The following G6PC2 variants were observed in gnomAD, a reference collection of about 807,000 sequenced individuals.
The protein encoded by G6PC2 is glucose-6-phosphatase catalytic subunit 2.
Under a neutral mutation model 35.4 loss-of-function variants are expected in G6PC2, and 41 were observed. That is an observed-to-expected ratio of 1.16 (90% CI 0.90 to 1.50). The LOEUF (loss-of-function observed/expected upper bound fraction) is 1.50. Among genes scored for constraint, G6PC2 ranks in the 40% most tolerant of loss-of-function variants. The pLI is 0.00. For synonymous variants in G6PC2, 165 were observed against 153.2 expected, an observed-to-expected ratio of 1.08 and a Z score of -0.57; for missense variants, 441 against 426.5, an observed-to-expected ratio of 1.03 and a Z score of -0.30.
Position 168,907,713 on chromosome 2 carries a change from G to A in G6PC2, c.702G>A (p.Trp234Ter), listed in dbSNP as rs780384187. 2 of 1,613,976 alleles carry A rather than the reference G, an allele frequency of 1.2e-6. No homozygotes were observed. The highest frequency in any genetic ancestry group is 8.5e-7 in the Non-Finnish European group (1 of 1,180,032). Reference sequence around the variant, plus strand: ...GGGTGCTCAACATTGACCTGCTGTGGTCCGTGCCCATAGCCAAAAAGTGGT... The same window carrying A: ...GGGTGCTCAACATTGACCTGCTGTGATCCGTGCCCATAGCCAAAAAGTGGT... ...LLRVLNIDLL[W>*]SVPIAKKWCA... Residue 234 changes from tryptophan to a stop codon, truncating the protein, a stop_gained, in exon 5 of 5, where the codon TGG becomes TGA. Coordinates refer to ENST00000375363, the MANE Select transcript of G6PC2 (RefSeq NM_021176.3). LOFTEE classifies it high-confidence loss of function.
Position 168,907,878 on chromosome 2 carries a change from A to G in G6PC2, c.867A>G (p.Thr289=). Residue 289 remains threonine (T), a synonymous_variant, in exon 5 of 5, where the codon ACA becomes ACG. Transcript: ENST00000375363. ...GCTGCCGAGGGGGAAATAACTACAC[A>G]CTGAGCTTCCGGTTGCTCTGTGCCT... ...LLSCRGGNNY[T]LSFRLLCALT... The G allele has an allele frequency of 1.9e-6, 3 of 1,613,926 alleles. No homozygotes were observed. The highest frequency in any genetic ancestry group is 1.1e-5 in the South Asian group (1 of 91,074).
chr2:168,904,460 G>T, intron 2 of G6PC2, 45 bp from the exon 3 acceptor site: 1 of 954,520 alleles, frequency 1.0e-6, no homozygotes, highest in South Asian at 1.3e-5. Context: ...TTCTGATCTT[G>T]ATAGTTAACC....
chr2:168,908,189 G>C lies in G6PC2; in HGVS notation c.*110G>C. On this transcript the variant is annotated 3_prime_UTR_variant, in exon 5 of 5. Transcript: ENST00000375363. ...GCTTCTAATCCGACTTCACAGAATA[G>C]CGGCACAGGCCCCATTCCCCATAGA... The C allele has an allele frequency of 1.1e-6, 1 of 904,638 alleles. No individual in the cohort carries two copies. Among genetic ancestry groups the C allele is most frequent in the Non-Finnish European group, 1.8e-6 (1 of 546,796 alleles). 56.0% of individuals were successfully genotyped at this position (904,638 alleles called of 1,614,324 possible). A position where few individuals can be genotyped will look rare whatever the true frequency, so the allele number is the denominator to read the frequency against.
At chr2:168,905,988 T>A in intron 3 of G6PC2, among the ~76,000 whole-genome samples, 1 of 151,554 alleles carries the variant, frequency 6.6e-6, no homozygotes, top group African/African-American at 2.4e-5. Flanking sequence ...GATTTTAATA[T>A]TTTTTTATGT....
chr2:168,909,579 T>A lies in G6PC2; in HGVS notation c.*1500T>A, dbSNP rs911784307. The A allele has an allele frequency of 6.6e-6, 1 of 152,136 alleles. No homozygotes were observed. Among genetic ancestry groups the A allele is most frequent in the African/African-American group, 2.4e-5 (1 of 41,390 alleles). The allele number at this position is 152,136 out of a possible 1,614,324, so 9.4% of individuals were successfully genotyped here. A position where few individuals can be genotyped will look rare whatever the true frequency, so the allele number is the denominator to read the frequency against. ...ATTATTGTTGATGGACTATTAATAT[T>A]ATATTAACAATTTCTCAGTAAGTGT... On this transcript the variant is annotated 3_prime_UTR_variant, in exon 5 of 5. Transcript: ENST00000375363.
In G6PC2 at chr2:168,907,876, A is replaced by G; in HGVS notation, c.865A>G (p.Thr289Ala). 6.2e-7 allele frequency: 1 copy of G among 1,613,810 alleles called. No individual in the cohort carries two copies. The highest frequency in any genetic ancestry group is 1.1e-5 in the South Asian group (1 of 91,062). Residue 289 changes from threonine (T) to alanine (A), a missense_variant, in exon 5 of 5, where the codon ACA (threonine) becomes GCA (alanine). Physicochemically the swap from Thr to Ala is moderately conservative, Grantham distance 58. Transcript: ENST00000375363. Reference protein sequence around the residue: ...LLSCRGGNNYTLSFRLLCALT... With the variant: ...LLSCRGGNNYALSFRLLCALT... ...GAGCTGCCGAGGGGGAAATAACTAC[A>G]CACTGAGCTTCCGGTTGCTCTGTGC...
At chr2:168,905,858 CTG>C (rs1218109632) in intron 3 of G6PC2, among the ~76,000 whole-genome samples, 1 of 152,062 alleles carries the variant, frequency 6.6e-6, no homozygotes, top group Non-Finnish European at 1.5e-5. Context: ...CCTCATTTCT[CTG>C]TGTTCCTTAG....
rs890425621 is a variant in G6PC2 at position 168,909,451 on chromosome 2, C to T, written c.*1372C>T. 1 of 152,250 alleles carries T rather than the reference C, an allele frequency of 6.6e-6. No individual in the cohort carries two copies. The highest frequency in any genetic ancestry group is 2.4e-5 in the African/African-American group (1 of 41,474). The allele number at this position is 152,250 out of a possible 1,614,324, so 9.4% of individuals were successfully genotyped here. Reference sequence around the variant, plus strand: ...AGAAATCAGGTGCCTTCCTCAAGGTCATGCTCCAACCCAGGCCAACTATTA... The same window carrying T: ...AGAAATCAGGTGCCTTCCTCAAGGTTATGCTCCAACCCAGGCCAACTATTA... On this transcript the variant is annotated 3_prime_UTR_variant, in exon 5 of 5. Coordinates refer to ENST00000375363, the MANE Select transcript of G6PC2 (RefSeq NM_021176.3).
At chr2:168,901,658 C>A in intron 1 of G6PC2, 109 bp downstream of exon 1, 1 of 685,526 alleles carries the variant, frequency 1.5e-6, no homozygotes, top group African/African-American at 1.8e-5. Flanking sequence ...GAAAATCTTT[C>A]AAAAATACCA....
At chr2:168,903,693 T>A (rs1690650279) in intron 2 of G6PC2, among the ~76,000 whole-genome samples, 1 of 152,180 alleles carries the variant, frequency 6.6e-6, no homozygotes, top group African/African-American at 2.4e-5. Flanking sequence ...TTTAAAAGGC[T>A]CTGAAAATTC....
At chr2:168,903,592 ACC>A (rs1690648091) in intron 2 of G6PC2, among the ~76,000 whole-genome samples, 1 of 151,948 alleles carries the variant, frequency 6.6e-6, no homozygotes, top group African/African-American at 2.4e-5. Context: ...CATGTGTTCC[ACC>A]TTATAAGACA....
rs1246694715 is a variant in G6PC2, at chr2:168,909,633, T to C, written c.*1554T>C. 1 of 152,238 alleles carries C rather than the reference T, an allele frequency of 6.6e-6. No individual in the cohort carries two copies. The highest frequency in any genetic ancestry group is 1.5e-5 in the Non-Finnish European group (1 of 68,040). 9.4% of individuals were successfully genotyped at this position (152,238 alleles called of 1,614,324 possible). ...TTTTCCTCATTGAATCTAGGAATGC[T>C]GGGCTTTAAGTTGATAACTGTGTCA... On this transcript the variant is annotated 3_prime_UTR_variant, in exon 5 of 5. Coordinates refer to ENST00000375363, the MANE Select transcript of G6PC2 (RefSeq NM_021176.3).
chr2:168,901,608 G>A (rs540732196), intron 1 of G6PC2, 59 bp downstream of exon 1: 195 of 885,380 alleles, frequency 2.2e-4, no homozygotes, highest in African/African-American at 7.1e-4. Flanking sequence ...TTGTGACTTC[G>A]GCATAATGAT....
In G6PC2 at chr2:168,908,229, C is replaced by T. The variant is rs878878851; in HGVS notation, c.*150C>T. The T allele has an allele frequency of 1.3e-5, 9 of 676,570 alleles. No homozygotes were observed. Among genetic ancestry groups the T allele is most frequent in the Non-Finnish European group, 2.3e-5 (9 of 384,598 alleles). 41.9% of individuals were successfully genotyped at this position (676,570 alleles called of 1,614,324 possible). On this transcript the variant is annotated 3_prime_UTR_variant, in exon 5 of 5. Transcript: ENST00000375363. Reference sequence around the variant, plus strand: ...TTCCCCATAGAGATGTTTAGTTTGGCCTTCGCACTGGTCTTTTTTTTTAAT... The same window carrying T: ...TTCCCCATAGAGATGTTTAGTTTGGTCTTCGCACTGGTCTTTTTTTTTAAT...
At position 168,907,747 on chromosome 2, in the gene G6PC2, C is replaced by T. The variant is rs748466993; in HGVS notation, c.736C>T (p.Pro246Ser). 3 of 1,614,068 alleles carry T rather than the reference C, an allele frequency of 1.9e-6. No homozygotes were observed. Among genetic ancestry groups the T allele is most frequent in the Non-Finnish European group, 1.7e-6 (2 of 1,179,966 alleles). Reference protein sequence around the residue: ...VPIAKKWCANPDWIHIDTTPF... With the variant: ...VPIAKKWCANSDWIHIDTTPF... ...CATAGCCAAAAAGTGGTGTGCTAAC[C>T]CCGACTGGATCCACATTGACACCAC... The change falls in exon 5 of 5, where the codon CCC (proline) becomes TCC (serine). Residue 246 changes from proline (P) to serine (S), a missense_variant. Coordinates refer to ENST00000375363, the MANE Select transcript of G6PC2 (RefSeq NM_021176.3).
intron 2 of G6PC2, 40 bp downstream of exon 2, chr2:168,902,594 C>A: frequency 1.2e-6 from 1 of 838,990 alleles, no homozygotes. Context: ...GAAGATCTTC[C>A]AATAGAGAAT....
chr2:168,901,742 T>TG (rs11396827), intron 1 of G6PC2, among the ~76,000 whole-genome samples, 193 bp downstream of exon 1: 15,517 of 150,626 alleles, frequency 0.1, 911 homozygotes, highest in African/African-American at 0.15. Flanking sequence ...TTTTTGTTTT[T>TG]TTTTTTTTTT....
chr2:168,909,509 AT>A lies in G6PC2; in HGVS notation c.*1431del, dbSNP rs1326389193. On this transcript the variant is annotated 3_prime_UTR_variant, in exon 5 of 5. Transcript: ENST00000375363. ...GCATCTGTTAGCTGGATTAGTCTCTATGTATACTGAACTGTGATGAAAATCT... is the reference window on the plus strand; with the variant it reads ...GCATCTGTTAGCTGGATTAGTCTCTAGTATACTGAACTGTGATGAAAATCT... 2 of 152,226 alleles carry A rather than the reference AT, an allele frequency of 1.3e-5. No homozygotes were observed. The highest frequency in any genetic ancestry group is 2.9e-5 in the Non-Finnish European group (2 of 68,044). The allele number at this position is 152,226 out of a possible 1,614,324, so 9.4% of individuals were successfully genotyped here. A position where few individuals can be genotyped will look rare whatever the true frequency, so the allele number is the denominator to read the frequency against.
chr2:168,908,484 C>T lies in G6PC2; in HGVS notation c.*405C>T, dbSNP rs555457669. The T allele has an allele frequency of 2.0e-4, 49 of 243,428 alleles. No individual in the cohort carries two copies. The highest frequency in any genetic ancestry group is 1.0e-3 in the African/African-American group (46 of 44,148). The allele number at this position is 243,428 out of a possible 1,614,324, so 15.1% of individuals were successfully genotyped here. ...TATGATTCCTTTATCTTCTTAAGGC[C>T]AGGCTGCATCTGATTCCTGTTGACA... On this transcript the variant is annotated 3_prime_UTR_variant, in exon 5 of 5. Coordinates refer to ENST00000375363, the MANE Select transcript of G6PC2 (RefSeq NM_021176.3).
Sources: allele counts gnomAD v4.1 joint callset (sites outside exome capture counted in the v4.1 genomes callset), GRCh38; gene constraint gnomAD v4.1.1; transcripts MANE v1.5; gene names NCBI Gene and HGNC (gene_info 2026-07-23, HGNC 2026-07-21).